TKTL1: variants seen among roughly 807,000 people sequenced by gnomAD.
TKTL1 encodes transketolase-like protein 1.
In TKTL1, 1 loss-of-function variant was observed where a neutral mutation model predicts 39.3. The ratio of observed to expected loss-of-function variants is 0.03; its 90% CI spans 0.01 to 0.12. The LOEUF is 0.12. Among genes scored for constraint, TKTL1 ranks in the 10% least tolerant of loss-of-function variants. TKTL1 has a pLI of 1.00. For missense variants in TKTL1, 575 were observed against 509.6 expected, an observed-to-expected ratio of 1.13 and a Z score of -1.24; for synonymous variants, 262 against 193.8, an observed-to-expected ratio of 1.35 and a Z score of -2.92.
intron 9 of TKTL1, among the ~76,000 whole-genome samples, chrX:154,323,728 C>T (rs1468540452): frequency 1.8e-5 from 2 of 112,524 alleles, no homozygotes; most frequent in Non-Finnish European, 1.9e-5. Context: ...GAAGCTCCTG[C>T]TGTGTCCTGA....
chrX:154,306,759 C>G (rs782061951), intron 2 of TKTL1, among the ~76,000 whole-genome samples: 2 of 109,728 alleles, frequency 1.8e-5, no homozygotes, highest in African/African-American at 3.3e-5. Context: ...ATTTCAGCCT[C>G]TTGAGTAGAT....
At chrX:154,298,699 G>GA (rs111906688) in intron 1 of TKTL1, among the ~76,000 whole-genome samples, 46,406 of 107,883 alleles carry the variant, frequency 0.43, 9,574 homozygotes, top group African/African-American at 0.79. Flanking sequence ...GTCTCAAAAA[G>GA]AAAAAAAAAT....
At chrX:154,317,850 A>T in intron 7 of TKTL1, among the ~76,000 whole-genome samples, 1 of 110,052 alleles carries the variant, frequency 9.1e-6, no homozygotes, top group Non-Finnish European at 1.9e-5. Flanking sequence ...CTTGAGATTG[A>T]CAAGACTGGG....
chrX:154,298,201 C>G (rs1352046845), intron 1 of TKTL1, among the ~76,000 whole-genome samples: 1 of 110,619 alleles, frequency 9.0e-6, no homozygotes, highest in Non-Finnish European at 1.9e-5. Flanking sequence ...ATTAATGACT[C>G]CACTTTAACT....
chrX:154,302,294 T>G (rs1359392569), intron 1 of TKTL1, among the ~76,000 whole-genome samples: 1 of 111,058 alleles, frequency 9.0e-6, no homozygotes. Flanking sequence ...GTCATCTAAG[T>G]CAAAACAAGG....
intron 8 of TKTL1, among the ~76,000 whole-genome samples, chrX:154,321,148 G>A (rs1181753037): frequency 7.2e-5 from 8 of 110,357 alleles, no homozygotes; most frequent in African/African-American, 1.3e-4. Context: ...TGCTTATCCC[G>A]AGTGCCCCTT....
intron 1 of TKTL1, among the ~76,000 whole-genome samples, chrX:154,301,961 A>G (rs1326007522): frequency 9.2e-6 from 1 of 108,664 alleles, no homozygotes; most frequent in Non-Finnish European, 1.9e-5. Context: ...GCAGATAGTC[A>G]ACTTAAAAAT....
intron 3 of TKTL1, among the ~76,000 whole-genome samples, chrX:154,309,975 T>A (rs1196968701): frequency 9.1e-6 from 1 of 109,557 alleles, no homozygotes; most frequent in East Asian, 3.0e-4. Flanking sequence ...CCTCAGGTGA[T>A]CCACCTGCCT....
At chrX:154,319,595 C>T (rs895408502) in intron 7 of TKTL1, among the ~76,000 whole-genome samples, 1 of 111,371 alleles carries the variant, frequency 9.0e-6, no homozygotes, top group African/African-American at 3.3e-5. Context: ...AAAAATTAGC[C>T]AGACGTGGTG....
At position 154,295,805 on chromosome X, in the gene TKTL1, C is replaced by A; in HGVS notation, c.-55C>A. The A allele has an allele frequency of 3.4e-6, 4 of 1,186,997 alleles. No homozygotes were observed. Among genetic ancestry groups the A allele is most frequent in the South Asian group, 1.9e-5 (1 of 53,849 alleles). Reference sequence around the variant, plus strand: ...GGGCAGCTCGCAGGCGCCATTCGCTCTTCAGACGCCGGAGACGTAGGAGTG... The same window carrying A: ...GGGCAGCTCGCAGGCGCCATTCGCTATTCAGACGCCGGAGACGTAGGAGTG... On this transcript the variant is annotated 5_prime_UTR_variant, in exon 1 of 13. Coordinates refer to ENST00000369915, the MANE Select transcript of TKTL1 (RefSeq NM_012253.4).
intron 7 of TKTL1, among the ~76,000 whole-genome samples, chrX:154,317,110 C>T (rs782679542): frequency 2.7e-5 from 3 of 111,509 alleles, no homozygotes; most frequent in South Asian, 3.7e-4. Flanking sequence ...CAATGCGATC[C>T]GTAATTTTCT....
intron 1 of TKTL1, among the ~76,000 whole-genome samples, chrX:154,296,772 T>C (rs1557164685): frequency 1.8e-5 from 2 of 111,440 alleles, no homozygotes; most frequent in East Asian, 2.8e-4. Flanking sequence ...CCAAGCACTT[T>C]GGGAGGCCGA....
At chrX:154,317,694 G>A (rs376935317) in intron 7 of TKTL1, among the ~76,000 whole-genome samples, 1 of 112,937 alleles carries the variant, frequency 8.9e-6, no homozygotes, top group Non-Finnish European at 1.9e-5. Flanking sequence ...GACCAGGGCA[G>A]TAGCTGTGGA....
intron 8 of TKTL1, among the ~76,000 whole-genome samples, chrX:154,322,406 A>C (rs1388854539): frequency 3.6e-5 from 4 of 109,726 alleles, no homozygotes; most frequent in Non-Finnish European, 7.6e-5. Flanking sequence ...TTGGCACATG[A>C]CTGTAATCCC....
chrX:154,318,707 C>CAAA (rs1208196360), intron 7 of TKTL1, among the ~76,000 whole-genome samples: 3 of 30,086 alleles, frequency 1.0e-4, no homozygotes, highest in East Asian at 1.3e-3. Context: ...GCCTCCGTCT[C>CAAA]AAAAAAAAAA....
At chrX:154,304,814 G>A in intron 1 of TKTL1, 1 of 288,772 alleles carries the variant, frequency 3.5e-6, no homozygotes, top group Non-Finnish European at 6.4e-6. Context: ...GGACTCACAT[G>A]CAGGCCGCTT....
intron 6 of TKTL1, among the ~76,000 whole-genome samples, chrX:154,314,592 C>A (rs2067383013): frequency 9.0e-6 from 1 of 110,946 alleles, no homozygotes; most frequent in Non-Finnish European, 1.9e-5. Flanking sequence ...GTGGTGCAAT[C>A]TCGGCTCACT....
At position 154,320,101 on chromosome X, in the gene TKTL1, C is replaced by T. The variant is rs1461263686; in HGVS notation, c.1030-656C>T. Among the ~76,000 whole-genome samples, 9 of 112,317 alleles carry T rather than the reference C, an allele frequency of 8.0e-5. No homozygotes were observed. The Admixed American group carries it at 8.4e-4, about 11-fold the overall frequency. Reference sequence around the variant, plus strand: ...TGGGCCACTGCCACACTGCAGAAACCGAGAGGAGGAAATGCCTTGAGATCA... The same window carrying T: ...TGGGCCACTGCCACACTGCAGAAACTGAGAGGAGGAAATGCCTTGAGATCA... On this transcript the variant is annotated intron_variant, in intron 7 of 12. Coordinates refer to ENST00000369915, the MANE Select transcript of TKTL1 (RefSeq NM_012253.4).
At chrX:154,299,397 C>A (rs782404536) in intron 1 of TKTL1, among the ~76,000 whole-genome samples, 1 of 109,539 alleles carries the variant, frequency 9.1e-6, no homozygotes, top group African/African-American at 3.3e-5. Context: ...TCAGGTGATC[C>A]GCCCACCTCG....
Sources: gnomAD v4.1 joint callset for allele counts (sites outside exome capture counted in the v4.1 genomes callset) on GRCh38, gnomAD v4.1.1 for gene constraint, MANE v1.5 for transcripts, NCBI Gene and HGNC (gene_info 2026-07-23, HGNC 2026-07-21) for gene names.